The following SCAND3 variants were observed in gnomAD, a reference collection of about 807,000 sequenced individuals.
SCAND3 encodes the protein SCAN domain containing 3, also known as SCAN domain-containing protein 3.
chr6:28,584,629 C>T, the SCAND3 span, among the ~76,000 whole-genome samples: 1 of 152,208 alleles, frequency 6.6e-6, no homozygotes, highest in Non-Finnish European at 1.5e-5. Flanking sequence ...CTGCTTACTC[C>T]ATTCTGGATC....
At chr6:28,578,756 T>C in the SCAND3 span, among the ~76,000 whole-genome samples, 4 of 152,222 alleles carry the variant, frequency 2.6e-5, no homozygotes, top group Admixed American at 1.3e-4. Flanking sequence ...GTATCCATTT[T>C]ACCTAATCCT....
the SCAND3 span, chr6:28,571,771 AT>A: frequency 1.3e-5 from 13 of 993,988 alleles, no homozygotes; most frequent in Non-Finnish European, 1.7e-5. Flanking sequence ...TATATAGAAA[AT>A]TGCTGTTTCA....
chr6:28,611,179 C>T, the SCAND3 span, among the ~76,000 whole-genome samples: 3 of 152,332 alleles, frequency 2.0e-5, no homozygotes, highest in Admixed American at 1.3e-4. Flanking sequence ...CTACTGCTAA[C>T]CTGATGAACA....
chr6:28,576,042 G>A, the SCAND3 span: 9 of 1,613,432 alleles, frequency 5.6e-6, no homozygotes, highest in South Asian at 1.1e-5. Flanking sequence ...TTTCTCTCAT[G>A]TTTTCTGGTT....
the SCAND3 span, among the ~76,000 whole-genome samples, chr6:28,603,012 G>T: frequency 1.4e-5 from 2 of 143,292 alleles, no homozygotes; most frequent in African/African-American, 5.4e-5. Flanking sequence ...GCCCAGGCTG[G>T]AGTGCAGTGG....
the SCAND3 span, among the ~76,000 whole-genome samples, chr6:28,609,132 C>T: frequency 6.6e-6 from 1 of 152,146 alleles, no homozygotes; most frequent in African/African-American, 2.4e-5. Context: ...TTCACTACTA[C>T]TTAACATTGT....
the SCAND3 span, chr6:28,575,088 T>C: frequency 6.2e-7 from 1 of 1,614,144 alleles, no homozygotes; most frequent in Non-Finnish European, 8.5e-7. The surrounding 1 kb of genome is among the most constrained non-coding windows in gnomAD (Gnocchi z 4.2). Flanking sequence ...TGGCAACAAG[T>C]TCTTCAGTTA....
chr6:28,615,250 G>T, the SCAND3 span, among the ~76,000 whole-genome samples: 1 of 152,116 alleles, frequency 6.6e-6, no homozygotes, highest in Non-Finnish European at 1.5e-5. Flanking sequence ...TTAACCAAAA[G>T]ATATTTACAA....
At chr6:28,577,438 A>G in the SCAND3 span, among the ~76,000 whole-genome samples, 1 of 152,184 alleles carries the variant, frequency 6.6e-6, no homozygotes, top group Non-Finnish European at 1.5e-5. Context: ...AACCCCAAGC[A>G]TGGTAATAAC....
the SCAND3 span, chr6:28,586,214 A>C: frequency 8.5e-7 from 1 of 1,174,364 alleles, no homozygotes. This position sits in a 1 kb window ranked among gnomAD's most constrained non-coding sequence, Gnocchi z 4.4. Flanking sequence ...GTTTCCAACC[A>C]CCAGCGCGAA....
the SCAND3 span, among the ~76,000 whole-genome samples, chr6:28,599,595 G>A: frequency 6.6e-6 from 1 of 152,164 alleles, no homozygotes; most frequent in Non-Finnish European, 1.5e-5. Flanking sequence ...TTAAAAAGGG[G>A]AGTTTCCCTG....
chr6:28,608,629 T>C, the SCAND3 span, among the ~76,000 whole-genome samples: 32 of 152,342 alleles, frequency 2.1e-4, no homozygotes, highest in East Asian at 6.0e-3. Flanking sequence ...AACCAGTTTT[T>C]CCCTTTTTAA....
chr6:28,615,330 A>G, the SCAND3 span, among the ~76,000 whole-genome samples: 1 of 152,162 alleles, frequency 6.6e-6, no homozygotes, highest in Non-Finnish European at 1.5e-5. Context: ...AAGACTAGAC[A>G]TTTCCGGGAG....
At chr6:28,593,191 G>A in the SCAND3 span, among the ~76,000 whole-genome samples, 1 of 151,446 alleles carries the variant, frequency 6.6e-6, no homozygotes, top group Non-Finnish European at 1.5e-5. Context: ...AATATATAAG[G>A]AATTCAAACA....
At chr6:28,586,432 CCAA>C in the SCAND3 span, 2 of 1,614,200 alleles carry the variant, frequency 1.2e-6, no homozygotes, top group Non-Finnish European at 1.7e-6. The surrounding 1 kb of genome is among the most constrained non-coding windows in gnomAD (Gnocchi z 4.4). Context: ...TGCTCCAGCA[CCAA>C]CAATTCCAGG....
At chr6:28,585,658 A>G in the SCAND3 span, among the ~76,000 whole-genome samples, 1 of 152,234 alleles carries the variant, frequency 6.6e-6, no homozygotes, top group Non-Finnish European at 1.5e-5. Context: ...TCACATTCTG[A>G]AAGAGTTCAG....
the SCAND3 span, among the ~76,000 whole-genome samples, chr6:28,602,291 C>A: frequency 6.6e-6 from 1 of 152,102 alleles, no homozygotes; most frequent in South Asian, 2.1e-4. Flanking sequence ...CTCACTGAAA[C>A]CTTGGCCTCC....
the SCAND3 span, chr6:28,586,696 A>C: frequency 6.2e-7 from 1 of 1,613,462 alleles, no homozygotes; most frequent in Non-Finnish European, 8.5e-7. This position sits in a 1 kb window ranked among gnomAD's most constrained non-coding sequence, Gnocchi z 4.4. Flanking sequence ...AAGGCTGGGA[A>C]GACCCTAGAG....
At chr6:28,581,924 G>A in the SCAND3 span, among the ~76,000 whole-genome samples, 1 of 152,178 alleles carries the variant, frequency 6.6e-6, no homozygotes, top group Non-Finnish European at 1.5e-5. Context: ...TCTGCCAGTG[G>A]TATTTCCCCT....
Sources: allele counts gnomAD v4.1 joint callset (sites outside exome capture counted in the v4.1 genomes callset), GRCh38; gene constraint gnomAD v4.1.1; non-coding constraint Gnocchi (gnomAD v3.1); transcripts MANE v1.5; gene names NCBI Gene and HGNC (gene_info 2026-07-23, HGNC 2026-07-21).